The following CENPK variants were observed in gnomAD, a reference collection of about 807,000 sequenced individuals.
CENPK encodes the protein centromere protein K.
In CENPK, 46 loss-of-function variants were observed where a neutral mutation model predicts 40.9. The observed-to-expected ratio is 1.13, with a 90% CI of 0.89 to 1.44. The LOEUF (loss-of-function observed/expected upper bound fraction) is 1.44. Ranked by LOEUF, CENPK falls within the 40% of genes most tolerant of loss-of-function variation. CENPK has a pLI of 0.00. For synonymous variants in CENPK, 107 were observed against 104.4 expected, an observed-to-expected ratio of 1.02 and a Z score of -0.15; for missense variants, 288 against 303.5, an observed-to-expected ratio of 0.95 and a Z score of 0.38.
intron 9 of CENPK, among the ~76,000 whole-genome samples, chr5:65,525,819 AAC>A (rs1744604325): frequency 6.6e-6 from 1 of 152,190 alleles, no homozygotes; most frequent in African/African-American, 2.4e-5. Context: ...CCAATGTGAG[AAC>A]ACAGTGAGCA....
At chr5:65,520,017 A>G (rs1236423038) in intron 10 of CENPK, among the ~76,000 whole-genome samples, 1 of 152,112 alleles carries the variant, frequency 6.6e-6, no homozygotes, top group Non-Finnish European at 1.5e-5. Context: ...TTATATGCTG[A>G]TATAGTTTAG....
chr5:65,562,269 T>C (rs1019595714), intron 1 of CENPK, among the ~76,000 whole-genome samples: 6 of 152,216 alleles, frequency 3.9e-5, no homozygotes, highest in Non-Finnish European at 7.4e-5. Context: ...CATAAAAACA[T>C]AAGAGTAGGA....
In CENPK at chr5:65,554,818, T is replaced by C. The variant is rs1750716760; in HGVS notation, c.90A>G (p.Glu30=). 6.3e-7 allele frequency: 1 copy of C among 1,577,652 alleles called. No homozygotes were observed. The highest frequency in any genetic ancestry group is 1.7e-5 in the Admixed American group (1 of 59,818). The change falls in exon 3 of 11, where the codon GAA becomes GAG. Residue 30 remains glutamate, a synonymous_variant. Coordinates refer to ENST00000396679, the MANE Select transcript of CENPK (RefSeq NM_022145.5). ...TEEELIRECE[E]MWKDMEECQN... is the part of the protein sequence containing the mutation. ...TTACTTCTTCCATATCTTTCCACAT[T>C]TCTTCACATTCTCTAATAAGTTCTT...
chr5:65,517,018 C>A (rs1742907243), downstream of CENPK, among the ~76,000 whole-genome samples: 1 of 151,992 alleles, frequency 6.6e-6, no homozygotes, highest in African/African-American at 2.4e-5. Flanking sequence ...TCTTGGCTCA[C>A]TGCAACTTCT....
chr5:65,518,421 C>A lies in CENPK; in HGVS notation c.*54G>T. Reference sequence around the variant, plus strand: ...TTTTTATCCAAATAGTCCTGTGGTTCCAATATCCTTGAATGATAAGAATTT... The same window carrying A: ...TTTTTATCCAAATAGTCCTGTGGTTACAATATCCTTGAATGATAAGAATTT... On this transcript the variant is annotated 3_prime_UTR_variant, in exon 11 of 11. Coordinates refer to ENST00000396679, the MANE Select transcript of CENPK (RefSeq NM_022145.5). 2 of 1,538,918 alleles carry A rather than the reference C, an allele frequency of 1.3e-6. No homozygotes were observed. Among genetic ancestry groups the A allele is most frequent in the South Asian group, 1.2e-5 (1 of 83,664 alleles).
At chr5:65,524,934 A>T (rs1187114690) in intron 9 of CENPK, among the ~76,000 whole-genome samples, 1 of 152,230 alleles carries the variant, frequency 6.6e-6, no homozygotes, top group African/African-American at 2.4e-5. Flanking sequence ...TAAATTTTCC[A>T]TGTTTTTCAT....
At chr5:65,525,107 C>T (rs1371597466) in intron 9 of CENPK, among the ~76,000 whole-genome samples, 1 of 152,014 alleles carries the variant, frequency 6.6e-6, no homozygotes, top group Non-Finnish European at 1.5e-5. Context: ...ACCTGTAATC[C>T]CAGCACTTTG....
chr5:65,551,151 G>A (rs1269276441), intron 5 of CENPK: 1 of 401,796 alleles, frequency 2.5e-6, no homozygotes, highest in African/African-American at 2.2e-5. Flanking sequence ...TCAGGAGGCT[G>A]AGGTAGGAGG....
At chr5:65,523,611 T>A (rs150117541) in intron 9 of CENPK, among the ~76,000 whole-genome samples, 1 of 152,148 alleles carries the variant, frequency 6.6e-6, no homozygotes, top group Non-Finnish European at 1.5e-5. Context: ...AATTATAGTA[T>A]TGATTAATAA....
intron 6 of CENPK, among the ~76,000 whole-genome samples, chr5:65,542,157 C>T (rs777856912): frequency 3.9e-5 from 6 of 152,138 alleles, no homozygotes; most frequent in Non-Finnish European, 5.9e-5. Flanking sequence ...TAGATTTCAA[C>T]GTATGGATTT....
the CENPK span, among the ~76,000 whole-genome samples, chr5:65,500,641 T>A: frequency 6.6e-6 from 1 of 152,022 alleles, no homozygotes; most frequent in African/African-American, 2.4e-5. Context: ...TTAAGGAATA[T>A]CTATTGTTCT....
chr5:65,507,859 C>T, the CENPK span, among the ~76,000 whole-genome samples: 654 of 152,218 alleles, frequency 4.3e-3, 9 homozygotes, highest in African/African-American at 0.015. Flanking sequence ...TTGAGTTTAT[C>T]GGGCTTTCCT....
At chr5:65,513,843 G>A (rs34692614), downstream of CENPK, among the ~76,000 whole-genome samples, 1 of 152,116 alleles carries the variant, frequency 6.6e-6, no homozygotes, top group South Asian at 2.1e-4. Context: ...GTTAGCTGTA[G>A]GTTTTTTGTA....
At chr5:65,550,012 A>G (rs1749688917) in intron 5 of CENPK, among the ~76,000 whole-genome samples, 1 of 152,028 alleles carries the variant, frequency 6.6e-6, no homozygotes, top group Admixed American at 6.6e-5. Flanking sequence ...ATAAAAAAAT[A>G]CAAAAATTAG....
chr5:65,533,594 A>T (rs1196745847), intron 6 of CENPK, among the ~76,000 whole-genome samples: 1 of 152,084 alleles, frequency 6.6e-6, no homozygotes. Flanking sequence ...TAACCCCCCA[A>T]AAAGAGATAA....
the CENPK span, among the ~76,000 whole-genome samples, chr5:65,501,907 A>G: frequency 1.3e-5 from 2 of 152,176 alleles, no homozygotes; most frequent in Non-Finnish European, 2.9e-5. Flanking sequence ...TGGTGGTGAA[A>G]GTTCTGACAT....
chr5:65,543,514 G>T (rs1454646402), intron 5 of CENPK, among the ~76,000 whole-genome samples: 2 of 152,104 alleles, frequency 1.3e-5, no homozygotes, highest in Non-Finnish European at 2.9e-5. Flanking sequence ...CAAGAATGGG[G>T]TCATATCACA....
In CENPK at chr5:65,518,427, T is replaced by C. The variant is rs762116904; in HGVS notation, c.*48A>G. On this transcript the variant is annotated 3_prime_UTR_variant, in exon 11 of 11. Coordinates refer to ENST00000396679, the MANE Select transcript of CENPK (RefSeq NM_022145.5). Reference sequence around the variant, plus strand: ...TCCAAATAGTCCTGTGGTTCCAATATCCTTGAATGATAAGAATTTTTACTG... The same window carrying C: ...TCCAAATAGTCCTGTGGTTCCAATACCCTTGAATGATAAGAATTTTTACTG... 1.3e-6 allele frequency: 2 copies of C among 1,561,298 alleles called. No individual in the cohort carries two copies. Among genetic ancestry groups the C allele is most frequent in the Admixed American group, 3.8e-5 (2 of 51,974 alleles).
chr5:65,528,362 C>T, intron 9 of CENPK, 90 bp downstream of exon 9: 2 of 1,233,598 alleles, frequency 1.6e-6, no homozygotes, highest in Admixed American at 2.9e-5. Flanking sequence ...ATGTGCATAC[C>T]TTTGAACTAA....
Sources: allele counts gnomAD v4.1 joint callset (sites outside exome capture counted in the v4.1 genomes callset), GRCh38; gene constraint gnomAD v4.1.1; transcripts MANE v1.5; gene names NCBI Gene and HGNC (gene_info 2026-07-23, HGNC 2026-07-21).